SGCZ: variants seen among roughly 807,000 people sequenced by gnomAD.
The protein encoded by SGCZ is sarcoglycan zeta.
A neutral mutation model predicts 41.3 loss-of-function variants in SGCZ; 40 were observed. The ratio of observed to expected loss-of-function variants is 0.97; its 90% CI spans 0.75 to 1.26. The LOEUF (loss-of-function observed/expected upper bound fraction) is 1.26. SGCZ is among the 50% of genes most tolerant of loss of function. SGCZ has a pLI of 0.00. For missense variants in SGCZ, 552 were observed against 369.8 expected (o/e 1.49, Z -4.04); for synonymous variants, 206 against 137.5 (o/e 1.50, Z -3.49).
chr8:15,138,197 A>G (rs1808186005), intron 1 of SGCZ, among the ~76,000 whole-genome samples: 1 of 152,104 alleles, frequency 6.6e-6, no homozygotes, highest in Non-Finnish European at 1.5e-5. Context: ...GCTAATTTCT[A>G]CCATTTGGAA....
chr8:14,275,494 C>T, intron 3 of SGCZ, among the ~76,000 whole-genome samples: 1 of 152,094 alleles, frequency 6.6e-6, no homozygotes, highest in East Asian at 1.9e-4. Flanking sequence ...AGGCATATTC[C>T]CTTTCTCTGT....
chr8:15,036,234 A>C (rs1803868695), intron 1 of SGCZ, among the ~76,000 whole-genome samples: 1 of 152,156 alleles, frequency 6.6e-6, no homozygotes, highest in Non-Finnish European at 1.5e-5. Flanking sequence ...ACCTAGAAGA[A>C]ATATGTCTAA....
chr8:15,185,381 A>T (rs1433851267), intron 1 of SGCZ, among the ~76,000 whole-genome samples: 1 of 152,208 alleles, frequency 6.6e-6, no homozygotes, highest in Non-Finnish European at 1.5e-5. Context: ...ATAATTGTAA[A>T]AGCTGCTGCA....
At chr8:14,572,004 T>G (rs1412281135) in intron 1 of SGCZ, among the ~76,000 whole-genome samples, 1 of 152,196 alleles carries the variant, frequency 6.6e-6, no homozygotes, top group Non-Finnish European at 1.5e-5. Context: ...TTAAAATACT[T>G]AAAAATTTGA....
intron 2 of SGCZ, among the ~76,000 whole-genome samples, chr8:14,439,143 T>C (rs1800173522): frequency 1.3e-5 from 2 of 151,976 alleles, no homozygotes; most frequent in South Asian, 2.1e-4. Flanking sequence ...TTGACCGTGA[T>C]ACATTTGTTA....
At chr8:15,221,373 G>C (rs1313129450) in intron 1 of SGCZ, among the ~76,000 whole-genome samples, 1 of 152,108 alleles carries the variant, frequency 6.6e-6, no homozygotes, top group African/African-American at 2.4e-5. Flanking sequence ...AATAGCACGG[G>C]ATCCTAGAAA....
At chr8:14,235,333 G>T (rs1806717604) in intron 4 of SGCZ, among the ~76,000 whole-genome samples, 1 of 152,192 alleles carries the variant, frequency 6.6e-6, no homozygotes, top group African/African-American at 2.4e-5. Context: ...ATATTAAATA[G>T]TTTTTAAGTG....
intron 1 of SGCZ, among the ~76,000 whole-genome samples, chr8:14,595,003 A>AT (rs1488599069): frequency 6.6e-6 from 1 of 151,910 alleles, no homozygotes; most frequent in African/African-American, 2.4e-5. Context: ...TATATTTTAT[A>AT]TTTTTTTCTG....
chr8:14,586,666 G>T (rs1353830385), intron 1 of SGCZ, among the ~76,000 whole-genome samples: 1 of 152,128 alleles, frequency 6.6e-6, no homozygotes, highest in Non-Finnish European at 1.5e-5. Flanking sequence ...AGGACCTCAG[G>T]ATGTCTCATT....
At chr8:15,127,131 A>T (rs1364538806) in intron 1 of SGCZ, among the ~76,000 whole-genome samples, 1 of 152,124 alleles carries the variant, frequency 6.6e-6, no homozygotes, top group African/African-American at 2.4e-5. Flanking sequence ...CATGTATGAG[A>T]CACCATTTTT....
chr8:15,083,681 T>C (rs1237539137), intron 1 of SGCZ, among the ~76,000 whole-genome samples: 2 of 152,142 alleles, frequency 1.3e-5, no homozygotes, highest in African/African-American at 4.8e-5. Flanking sequence ...CCAGAGTAGC[T>C]GAGGCCACAG....
intron 1 of SGCZ, among the ~76,000 whole-genome samples, chr8:15,108,475 C>T (rs1806918649): frequency 6.6e-6 from 1 of 152,172 alleles, no homozygotes; most frequent in East Asian, 1.9e-4. Context: ...ATTTTGAATG[C>T]TATGCTGCAT....
At chr8:14,676,115 G>A (rs759922166) in intron 1 of SGCZ, among the ~76,000 whole-genome samples, 1 of 152,224 alleles carries the variant, frequency 6.6e-6, no homozygotes, top group Non-Finnish European at 1.5e-5. Context: ...GGAATAGTTT[G>A]TGTTCCTACC....
chr8:14,872,671 T>C (rs530293305), intron 1 of SGCZ, among the ~76,000 whole-genome samples: 2 of 152,238 alleles, frequency 1.3e-5, no homozygotes, highest in Non-Finnish European at 2.9e-5. Context: ...CCATAGATCC[T>C]GCTGGGTTTG....
At chr8:14,741,280 C>T (rs1799190672) in intron 1 of SGCZ, among the ~76,000 whole-genome samples, 1 of 151,996 alleles carries the variant, frequency 6.6e-6, no homozygotes, top group African/African-American at 2.4e-5. Flanking sequence ...TAATTGACAT[C>T]TACAAAAATT....
At chr8:14,217,069 C>A (rs979832373) in intron 4 of SGCZ, among the ~76,000 whole-genome samples, 1 of 152,054 alleles carries the variant, frequency 6.6e-6, no homozygotes, top group Non-Finnish European at 1.5e-5. Context: ...GGGTGGATCA[C>A]GAGGTCAGGG....
intron 1 of SGCZ, among the ~76,000 whole-genome samples, chr8:14,824,560 T>A (rs1000471917): frequency 5.3e-5 from 8 of 152,024 alleles, no homozygotes; most frequent in Non-Finnish European, 8.8e-5. Context: ...GCTTCCATAA[T>A]AAAGACCATT....
At chr8:14,988,538 A>G (rs1209660213) in intron 1 of SGCZ, among the ~76,000 whole-genome samples, 1 of 152,030 alleles carries the variant, frequency 6.6e-6, no homozygotes, top group Admixed American at 6.6e-5. Flanking sequence ...TCCCTTTACT[A>G]TAAGGTAGAA....
chr8:15,158,627 T>C (rs1443207178), intron 1 of SGCZ, among the ~76,000 whole-genome samples: 2 of 152,222 alleles, frequency 1.3e-5, no homozygotes, highest in South Asian at 2.1e-4. Context: ...TTGGAACTTA[T>C]AATTCATTTA....
Sources: allele counts gnomAD v4.1 joint callset (sites outside exome capture counted in the v4.1 genomes callset), GRCh38; gene constraint gnomAD v4.1.1; transcripts MANE v1.5; gene names NCBI Gene and HGNC (gene_info 2026-07-23, HGNC 2026-07-21).